DZIP3: variants seen among roughly 807,000 people sequenced by gnomAD.
DZIP3 encodes the protein DAZ interacting zinc finger protein 3, also known as E3 ubiquitin-protein ligase DZIP3.
Under a neutral mutation model 162.0 loss-of-function variants are expected in DZIP3, and 118 were observed. That is an observed-to-expected ratio of 0.73 (90% confidence interval 0.63 to 0.85). The LOEUF is 0.85. Ranked by LOEUF, DZIP3 falls within the 40% of genes least tolerant of loss-of-function variation. The probability of loss-of-function intolerance (pLI) is 0.00; values close to 1 mark genes in which losing one functional copy is unlikely to be tolerated. For missense variants in DZIP3, 1,331 were observed against 1,407.0 expected, an observed-to-expected ratio of 0.95 and a Z score of 0.86; for synonymous variants, 438 against 458.6, an observed-to-expected ratio of 0.96 and a Z score of 0.57.
chr3:108,661,124 C>T (rs1391420591), intron 19 of DZIP3, among the ~76,000 whole-genome samples: 2 of 152,258 alleles, frequency 1.3e-5, no homozygotes, highest in East Asian at 3.9e-4. Flanking sequence ...ACCCAGCCAT[C>T]CCATTACTGG....
chr3:108,669,986 C>G (rs185045001), intron 22 of DZIP3, among the ~76,000 whole-genome samples: 2 of 152,018 alleles, frequency 1.3e-5, no homozygotes, highest in Non-Finnish European at 2.9e-5. Context: ...GAATCTGTAT[C>G]AGCAAAGTTA....
At chr3:108,662,385 A>T (rs1943480741) in intron 21 of DZIP3, 128 bp downstream of exon 21, 1 of 1,182,352 alleles carries the variant, frequency 8.5e-7, no homozygotes, top group Non-Finnish European at 1.1e-6. Context: ...ACACGACTGC[A>T]CTTGTTTAAA....
rs1177293792 is a variant in DZIP3, at chr3:108,688,659, G to T, written c.3337G>T (p.Ala1113Ser). 3 of 1,614,146 alleles carry T rather than the reference G, an allele frequency of 1.9e-6. No homozygotes were observed. The highest frequency in any genetic ancestry group is 2.5e-6 in the Non-Finnish European group (3 of 1,180,016). ...SPSHSPSQPDAAQPPKPAWRP... is the reference protein window; with the variant it reads ...SPSHSPSQPDSAQPPKPAWRP... ...TAGTCATTCTCCATCACAGCCTGAT[G>T]CTGCCCAGCCCCCAAAACCAGCCTG... is the stretch of plus-strand genomic sequence containing the variant. The change falls in exon 30 of 33, where the codon GCT becomes TCT. Residue 1113 changes from alanine to serine, a missense_variant. By Grantham distance (99) the Ala-to-Ser change is moderately conservative. This residue lies in a region of DZIP3 where 1,278 missense variants were observed against 1,317.1 expected (regional missense o/e 0.97). Transcript: ENST00000361582.
intron 32 of DZIP3, among the ~76,000 whole-genome samples, chr3:108,693,030 G>A (rs1944758508): frequency 6.6e-6 from 1 of 151,222 alleles, no homozygotes; most frequent in Non-Finnish European, 1.5e-5. Context: ...GTGAGGGACT[G>A]CAATCTGATA....
chr3:108,612,083 A>G (rs1940742794), intron 4 of DZIP3, among the ~76,000 whole-genome samples: 1 of 152,192 alleles, frequency 6.6e-6, no homozygotes, highest in Non-Finnish European at 1.5e-5. Flanking sequence ...CCATCTTGAA[A>G]GTAGTTTTTC....
intron 21 of DZIP3, among the ~76,000 whole-genome samples, chr3:108,664,591 C>G (rs1943588782): frequency 6.6e-6 from 1 of 152,226 alleles, no homozygotes; most frequent in Admixed American, 6.5e-5. Context: ...AGGCTTCATC[C>G]TTACTCCCTC....
chr3:108,610,250 A>G (rs1317296699), intron 3 of DZIP3, among the ~76,000 whole-genome samples: 2 of 152,186 alleles, frequency 1.3e-5, no homozygotes, highest in African/African-American at 4.8e-5. Flanking sequence ...ATTTTTTACA[A>G]TGATAACCTC....
chr3:108,598,655 G>A (rs1939833385), intron 1 of DZIP3, among the ~76,000 whole-genome samples: 1 of 152,136 alleles, frequency 6.6e-6, no homozygotes, highest in African/African-American at 2.4e-5. Context: ...CATGAAAGAA[G>A]TATTCCCATT....
intron 26 of DZIP3, among the ~76,000 whole-genome samples, chr3:108,680,435 G>C (rs1456431652): frequency 1.3e-5 from 2 of 151,890 alleles, no homozygotes; most frequent in African/African-American, 2.4e-5. Flanking sequence ...TAACAAATTT[G>C]GTAAAGATTC....
chr3:108,594,968 T>C (rs536319500), intron 1 of DZIP3, among the ~76,000 whole-genome samples: 40 of 152,354 alleles, frequency 2.6e-4, no homozygotes, highest in African/African-American at 9.4e-4. Flanking sequence ...ATAATAGTTT[T>C]AACCAGTCAG....
chr3:108,640,079 CTCTT>C (rs546642403), intron 12 of DZIP3, among the ~76,000 whole-genome samples: 121 of 152,170 alleles, frequency 8.0e-4, no homozygotes, highest in Non-Finnish European at 1.3e-3. Context: ...TATTTCAGCT[CTCTT>C]TCCAGATATT....
intron 19 of DZIP3, among the ~76,000 whole-genome samples, chr3:108,661,199 A>G (rs1035788227): frequency 5.3e-5 from 8 of 152,308 alleles, no homozygotes; most frequent in East Asian, 3.9e-4. Context: ...TGTTTATTGC[A>G]GCACTATTCA....
At chr3:108,656,409 TC>T (rs1340198564) in intron 19 of DZIP3, among the ~76,000 whole-genome samples, 1 of 151,936 alleles carries the variant, frequency 6.6e-6, no homozygotes, top group Non-Finnish European at 1.5e-5. Flanking sequence ...TCCAGCAAAC[TC>T]CAACAGACCT....
intron 5 of DZIP3, among the ~76,000 whole-genome samples, chr3:108,622,013 T>C (rs1264070376): frequency 6.6e-6 from 1 of 151,022 alleles, no homozygotes; most frequent in Non-Finnish European, 1.5e-5. Flanking sequence ...GCCTGGGTAA[T>C]AGTGTGAGAC....
At chr3:108,666,752 C>G (rs1449061416) in intron 21 of DZIP3, among the ~76,000 whole-genome samples, 1 of 152,052 alleles carries the variant, frequency 6.6e-6, no homozygotes, top group Non-Finnish European at 1.5e-5. Flanking sequence ...ACCAAGAAAC[C>G]TCCAAAGGCC....
chr3:108,675,458 G>A (rs1197773135), intron 24 of DZIP3, among the ~76,000 whole-genome samples: 1 of 151,914 alleles, frequency 6.6e-6, no homozygotes, highest in East Asian at 1.9e-4. Context: ...TGCTGTATTA[G>A]ATTACTAAGG....
intron 15 of DZIP3, among the ~76,000 whole-genome samples, chr3:108,647,268 C>T (rs1453005409): frequency 1.3e-5 from 2 of 152,000 alleles, no homozygotes; most frequent in Non-Finnish European, 2.9e-5. Flanking sequence ...TTGTTTATAG[C>T]TATATACTTT....
rs761746780 is a variant in DZIP3 at position 108,674,176 on chromosome 3, A to C, written c.2688A>C (p.Ala896=). Residue 896 remains alanine (A), a synonymous_variant, in exon 24 of 33, where the codon GCA becomes GCC. Transcript: ENST00000361582. Reference sequence around the variant, plus strand: ...AGCTTGCCAGGGTGACTCACATGGCAGCAAGGTAACCTTTCCCTCTTCCTT... The same window carrying C: ...AGCTTGCCAGGGTGACTCACATGGCCGCAAGGTAACCTTTCCCTCTTCCTT... ...LNQLARVTHM[A]ASNLESLQLK... The C allele has an allele frequency of 1.9e-6, 3 of 1,612,084 alleles. No homozygotes were observed. The East Asian group carries it at 6.7e-5, about 36-fold the overall frequency.
At chr3:108,622,791 G>A (rs2107556221) in intron 5 of DZIP3, among the ~76,000 whole-genome samples, 1 of 150,436 alleles carries the variant, frequency 6.6e-6, no homozygotes, top group Middle Eastern at 3.5e-3. Context: ...TGGATTACCA[G>A]GCAGAGACTC....
Sources: gnomAD v4.1 joint callset for allele counts (sites outside exome capture counted in the v4.1 genomes callset) on GRCh38, gnomAD v4.1.1 for gene constraint, gnomAD v4.1.1 regional missense constraint, MANE v1.5 for transcripts, NCBI Gene and HGNC (gene_info 2026-07-23, HGNC 2026-07-21) for gene names.